Variants in MGAT5 observed in about 807,000 individuals in gnomAD.
The protein encoded by MGAT5 is alpha-1,6-mannosylglycoprotein 6-beta-N-acetylglucosaminyltransferase A.
In MGAT5, 30 loss-of-function variants were observed where a neutral mutation model predicts 94.3. The ratio of observed to expected loss-of-function variants is 0.32; its 90% CI spans 0.24 to 0.43. MGAT5 has a LOEUF of 0.43. Ranked by LOEUF, MGAT5 falls within the 20% of genes least tolerant of loss-of-function variation. The probability of loss-of-function intolerance (pLI) is 1.00; values close to 1 mark genes in which losing one functional copy is unlikely to be tolerated. For synonymous variants in MGAT5, 310 were observed against 322.9 expected (o/e 0.96, Z 0.43); for missense variants, 691 against 905.5 (o/e 0.76, Z 3.04).
At position 134,444,311 on chromosome 2, in the gene MGAT5, C is replaced by T. The variant is rs932899085; in HGVS notation, c.2027+2396C>T. Among the ~76,000 whole-genome samples, 3 of 152,282 alleles carry T rather than the reference C, an allele frequency of 2.0e-5. No individual in the cohort carries two copies. The East Asian group carries it at 5.8e-4, about 29-fold the overall frequency. The stretch of plus-strand genomic sequence containing the variant: ...AGTTCACGAGAGCAAAAGGACTTGG[C>T]GTGGGGCTGTCCTGAGGCCAGGCCC... On this transcript the variant is annotated intron_variant, in intron 15 of 15. Coordinates refer to ENST00000281923, the MANE Select transcript of MGAT5 (RefSeq NM_002410.5).
intron 1 of MGAT5, among the ~76,000 whole-genome samples, chr2:134,186,987 A>G (rs1689073595): frequency 6.6e-6 from 1 of 152,224 alleles, no homozygotes; most frequent in Non-Finnish European, 1.5e-5. Context: ...ATGTTTGAGC[A>G]GAGTGCCAAG....
chr2:134,352,380 G>A (rs574968028), intron 9 of MGAT5, among the ~76,000 whole-genome samples: 4 of 152,294 alleles, frequency 2.6e-5, no homozygotes, highest in Admixed American at 6.5e-5. Context: ...AAAAAGAAAT[G>A]AGGAAGGCTT....
chr2:134,129,922 G>C (rs568824250), intron 1 of MGAT5, among the ~76,000 whole-genome samples: 1 of 152,278 alleles, frequency 6.6e-6, no homozygotes, highest in South Asian at 2.1e-4. Flanking sequence ...GGCTCCCTCT[G>C]CTTGCGGGGA....
At chr2:134,366,958 A>C (rs1449767908) in intron 10 of MGAT5, among the ~76,000 whole-genome samples, 2 of 152,210 alleles carry the variant, frequency 1.3e-5, no homozygotes, top group Admixed American at 1.3e-4. Flanking sequence ...TGATATTTGC[A>C]GACCTTGCTA....
chr2:134,322,297 C>T (rs1687379771), intron 4 of MGAT5, among the ~76,000 whole-genome samples: 1 of 152,098 alleles, frequency 6.6e-6, no homozygotes, highest in South Asian at 2.1e-4. Flanking sequence ...TCTCATTTAC[C>T]AGTGTAATGC....
intron 2 of MGAT5, among the ~76,000 whole-genome samples, chr2:134,313,685 A>T (rs932767355): frequency 1.3e-5 from 2 of 152,114 alleles, no homozygotes; most frequent in African/African-American, 4.8e-5. Flanking sequence ...TCTTGGCAGG[A>T]TCTTTCTTCT....
At chr2:134,381,369 A>AG (rs1553457670) in intron 10 of MGAT5, among the ~76,000 whole-genome samples, 1 of 55,166 alleles carries the variant, frequency 1.8e-5, no homozygotes, top group Admixed American at 2.1e-4. Context: ...ATAGATAGAT[A>AG]AGATAAGATA....
chr2:134,160,675 G>A (rs1277511050), intron 1 of MGAT5, among the ~76,000 whole-genome samples: 2 of 152,258 alleles, frequency 1.3e-5, no homozygotes, highest in Admixed American at 6.5e-5. Flanking sequence ...AAAGGACAAA[G>A]GGTGGAGAGT....
At chr2:134,332,841 C>T (rs1289574349) in intron 4 of MGAT5, among the ~76,000 whole-genome samples, 5 of 152,252 alleles carry the variant, frequency 3.3e-5, no homozygotes, top group East Asian at 3.9e-4. Flanking sequence ...AAAATGCTCA[C>T]CATCACTGGC....
chr2:134,399,386 T>G (rs889906129), intron 10 of MGAT5, among the ~76,000 whole-genome samples: 4 of 152,210 alleles, frequency 2.6e-5, no homozygotes, highest in Non-Finnish European at 4.4e-5. Flanking sequence ...GCTACAACCA[T>G]AAACAGCTGA....
chr2:134,242,715 G>A (rs1443392130), intron 1 of MGAT5, among the ~76,000 whole-genome samples: 3 of 152,194 alleles, frequency 2.0e-5, no homozygotes, highest in African/African-American at 4.8e-5. Context: ...ATGAGAGTTC[G>A]AGTAGCAATG....
intron 1 of MGAT5, among the ~76,000 whole-genome samples, chr2:134,176,815 G>C (rs1176274820): frequency 2.6e-5 from 4 of 152,180 alleles, no homozygotes; most frequent in Non-Finnish European, 4.4e-5. Flanking sequence ...TCCCCTTGGA[G>C]TGGCACTGAC....
intron 1 of MGAT5, among the ~76,000 whole-genome samples, chr2:134,221,424 A>C (rs758763140): frequency 6.6e-6 from 1 of 152,216 alleles, no homozygotes; most frequent in Non-Finnish European, 1.5e-5. Context: ...GTGGAGACCA[A>C]GTTTTCTTGT....
chr2:134,234,530 G>A (rs1358089083), intron 1 of MGAT5, among the ~76,000 whole-genome samples: 1 of 152,216 alleles, frequency 6.6e-6, no homozygotes, highest in African/African-American at 2.4e-5. Context: ...TGACCAACGG[G>A]GACAAGTTTG....
chr2:134,158,906 T>C (rs1003425857), intron 1 of MGAT5, among the ~76,000 whole-genome samples: 61 of 152,346 alleles, frequency 4.0e-4, no homozygotes, highest in African/African-American at 1.3e-3. Context: ...CATGTGGCTA[T>C]TGAGCTCTTG....
chr2:134,269,976 C>T (rs1683931336), intron 1 of MGAT5, among the ~76,000 whole-genome samples: 1 of 152,180 alleles, frequency 6.6e-6, no homozygotes, highest in Non-Finnish European at 1.5e-5. Context: ...CTAGAGTATG[C>T]AACACGAAAA....
At chr2:134,260,467 G>T (rs1284242242) in intron 1 of MGAT5, among the ~76,000 whole-genome samples, 1 of 152,176 alleles carries the variant, frequency 6.6e-6, no homozygotes, top group Non-Finnish European at 1.5e-5. Flanking sequence ...AAGGTTAGCA[G>T]CTGCCCTGTG....
intron 14 of MGAT5, among the ~76,000 whole-genome samples, chr2:134,437,035 C>G (rs1685201045): frequency 6.6e-6 from 1 of 152,248 alleles, no homozygotes; most frequent in Non-Finnish European, 1.5e-5. Flanking sequence ...GTCGCCCAGG[C>G]TGGAGAGCAG....
intron 1 of MGAT5, among the ~76,000 whole-genome samples, chr2:134,166,343 A>G (rs1391279510): frequency 6.6e-6 from 1 of 152,248 alleles, no homozygotes; most frequent in Non-Finnish European, 1.5e-5. Flanking sequence ...AGTCTTCAGA[A>G]TTCTGACTTT....
Sources: allele counts gnomAD v4.1 joint callset (sites outside exome capture counted in the v4.1 genomes callset), GRCh38; gene constraint gnomAD v4.1.1; transcripts MANE v1.5; gene names NCBI Gene and HGNC (gene_info 2026-07-23, HGNC 2026-07-21).